CABLES1: variants seen among roughly 807,000 people sequenced by gnomAD.
CABLES1 encodes CDK5 and ABL1 enzyme substrate 1.
Under a neutral mutation model 57.8 loss-of-function variants are expected in CABLES1, and 36 were observed. The ratio of observed to expected loss-of-function variants is 0.62; its 90% confidence interval spans 0.48 to 0.82. The LOEUF is 0.82. Among genes scored for constraint, CABLES1 ranks in the 40% least tolerant of loss-of-function variants. The pLI, the probability that CABLES1 is intolerant of heterozygous loss-of-function variation, is 0.00. For synonymous variants in CABLES1, 374 were observed against 363.0 expected (o/e 1.03, Z -0.35); for missense variants, 767 against 836.6 (o/e 0.92, Z 1.03).
intron 1 of CABLES1, among the ~76,000 whole-genome samples, chr18:23,181,530 T>C (rs1315368925): frequency 1.3e-4 from 9 of 69,564 alleles, no homozygotes; most frequent in Non-Finnish European, 2.6e-4. Context: ...AAAAAAAAGA[T>C]GCCCACTAAT....
intron 1 of CABLES1, among the ~76,000 whole-genome samples, chr18:23,176,332 A>G (rs1396207694): frequency 6.6e-6 from 1 of 152,164 alleles, no homozygotes; most frequent in African/African-American, 2.4e-5. Context: ...CACAGTTCAC[A>G]ATAGGCTTGG....
chr18:23,135,877 CCCGCGG>C lies in CABLES1; in HGVS notation c.120_125del (p.Ala42_Ala43del), dbSNP rs1418771801. On this transcript the variant is annotated inframe_deletion, in exon 1 of 10. Coordinates refer to ENST00000256925, the MANE Select transcript of CABLES1 (RefSeq NM_001100619.3). Reference sequence around the variant, plus strand: ...GCCGCCGCCGCAGCCCCAGCCTCAGCCCGCGGCCGCCGCGCCGGCCCAGCCGCCGCC... The same window carrying C: ...GCCGCCGCCGCAGCCCCAGCCTCAGCCCGCCGCGCCGGCCCAGCCGCCGCC... 11 of 1,042,122 alleles carry C rather than the reference CCCGCGG, an allele frequency of 1.1e-5. No homozygotes were observed. The highest frequency in any genetic ancestry group is 1.3e-5 in the Non-Finnish European group (11 of 870,148). 64.6% of individuals were successfully genotyped at this position (1,042,122 alleles called of 1,614,324 possible).
chr18:23,223,438 C>T lies in CABLES1; in HGVS notation c.1088+9384C>T, dbSNP rs539340184. On this transcript the variant is annotated intron_variant, in intron 4 of 9. Coordinates refer to ENST00000256925, the MANE Select transcript of CABLES1 (RefSeq NM_001100619.3). The stretch of plus-strand genomic sequence containing the variant: ...ACTAAAATACAAAAAATTAGCCGGA[C>T]GTACTGGCAGGCGCCTGAAATCACA... 1.3e-4 allele frequency among the ~76,000 whole-genome samples: 20 copies of T among 152,018 alleles called. No individual in the cohort carries two copies. In the South Asian group the frequency reaches 3.7e-3, roughly 28 times the overall value.
At chr18:23,163,049 A>T (rs1406253947) in intron 1 of CABLES1, among the ~76,000 whole-genome samples, 1 of 152,150 alleles carries the variant, frequency 6.6e-6, no homozygotes, top group African/African-American at 2.4e-5. Flanking sequence ...TCAGAAATAG[A>T]CAACAGTCCT....
chr18:23,256,406 T>C (rs971160710), intron 9 of CABLES1, among the ~76,000 whole-genome samples: 37 of 152,254 alleles, frequency 2.4e-4, no homozygotes, highest in African/African-American at 8.7e-4. Flanking sequence ...ATGAAAGGAC[T>C]GAACTACATA....
chr18:23,188,566 T>TGTGTGTGTGTGTGTGTCC (rs2047219311), intron 1 of CABLES1, among the ~76,000 whole-genome samples: 1 of 152,170 alleles, frequency 6.6e-6, no homozygotes, highest in Non-Finnish European at 1.5e-5. Context: ...TGTGTGTGTG[T>TGTGTGTGTGTGTGTGTCC]CCTTGGGGGA....
In CABLES1 at chr18:23,136,210, A is replaced by T; in HGVS notation, c.448A>T (p.Ile150Phe). Residue 150 changes from isoleucine (I) to phenylalanine (F), a missense_variant, in exon 1 of 10, where the codon ATT (isoleucine) becomes TTT (phenylalanine). By Grantham distance (21) the Ile-to-Phe change is conservative (BLOSUM62 0). Around this residue, in one of 4 missense-constraint regions of CABLES1, gnomAD observed 529 missense variants for 622.8 expected, o/e 0.85. Coordinates refer to ENST00000256925, the MANE Select transcript of CABLES1 (RefSeq NM_001100619.3). ...LPQPSSLPPL[I>F]PGGHATVSGP... is the part of the protein sequence containing the mutation. ...ACAGCCCTCGTCGCTGCCGCCCTTG[A>T]TTCCTGGCGGCCATGCGACCGTGTC... 3 of 1,255,684 alleles carry T rather than the reference A, an allele frequency of 2.4e-6. 1 individual carries two copies. In the South Asian group the frequency reaches 9.5e-5, roughly 40 times the overall value. 77.8% of individuals were successfully genotyped at this position (1,255,684 alleles called of 1,614,324 possible).
chr18:23,146,719 C>T (rs574492635), intron 1 of CABLES1, among the ~76,000 whole-genome samples: 121 of 151,854 alleles, frequency 8.0e-4, no homozygotes, highest in Admixed American at 1.6e-3. Flanking sequence ...CAAGTAATTT[C>T]AGAAAGGCAA....
chr18:23,135,989 G>A lies in CABLES1; in HGVS notation c.227G>A (p.Gly76Asp). The change falls in exon 1 of 10, where the codon GGC (glycine) becomes GAC (aspartate). Residue 76 changes from glycine (G) to aspartate (D), a missense_variant. Transcript: ENST00000256925. ...TTCCTCACCAACATCTCGCTGGACGGCCGGCTGCCGCCGCAGGACGCGGAG... is the reference window on the plus strand; with the variant it reads ...TTCCTCACCAACATCTCGCTGGACGACCGGCTGCCGCCGCAGGACGCGGAG... ...LSFLTNISLD[G>D]RLPPQDAEWG... 8.8e-7 allele frequency: 1 copy of A among 1,136,698 alleles called. No homozygotes were observed. 70.4% of individuals were successfully genotyped at this position (1,136,698 alleles called of 1,614,324 possible). A position where few individuals can be genotyped will look rare whatever the true frequency, so the allele number is the denominator to read the frequency against.
rs993322057 is a variant in CABLES1 at position 23,257,486 on chromosome 18, A to T, written c.*119A>T. 8 of 1,183,502 alleles carry T rather than the reference A, an allele frequency of 6.8e-6. No individual in the cohort carries two copies. Among genetic ancestry groups the T allele is most frequent in the African/African-American group, 1.6e-5 (1 of 64,226 alleles). The allele number at this position is 1,183,502 out of a possible 1,614,324, so 73.3% of individuals were successfully genotyped here. A position where few individuals can be genotyped will look rare whatever the true frequency, so the allele number is the denominator to read the frequency against. ...ATACCAGACTTTTCTTCCTCTCGAC[A>T]TAGTTTGGGGAGAAGCAGTACTAGA... On this transcript the variant is annotated 3_prime_UTR_variant, in exon 10 of 10. Transcript: ENST00000256925.
chr18:23,191,906 TAAAAAAAAAAAAAAAAAAAA>T (rs147984743), intron 2 of CABLES1, among the ~76,000 whole-genome samples: 24 of 82,618 alleles, frequency 2.9e-4, no homozygotes, highest in African/African-American at 7.8e-4. Context: ...GTTGAATGCT[TAAAAAAAAAAAAAAAAAAAA>T]AAAAAAAAAA....
In CABLES1 at chr18:23,161,294, ATCT is replaced by A. The variant is rs141218567; in HGVS notation, c.845+24694_845+24696del. Among the ~76,000 whole-genome samples, 1,047 of 152,176 alleles carry A rather than the reference ATCT, an allele frequency of 6.9e-3. 11 individuals carry two copies. Among genetic ancestry groups the A allele is most frequent in the African/African-American group, 0.024 (1,015 of 41,480 alleles). On this transcript the variant is annotated intron_variant, in intron 1 of 9. Transcript: ENST00000256925. ...TCTCTTTATCATGTCTTGCCTTTCT[ATCT>A]TCTTCTAAAACACTTTACTGGTGTT...
intron 4 of CABLES1, among the ~76,000 whole-genome samples, chr18:23,233,610 G>T (rs1174779730): frequency 6.6e-6 from 1 of 152,212 alleles, no homozygotes; most frequent in Admixed American, 6.5e-5. Context: ...CACTTTAGGA[G>T]GCCAAGACGG....
chr18:23,175,546 A>G (rs993563745), intron 1 of CABLES1, among the ~76,000 whole-genome samples: 2 of 152,128 alleles, frequency 1.3e-5, no homozygotes, highest in East Asian at 3.8e-4. Context: ...TGGTGCAAAT[A>G]CAGCTCACTG....
intron 1 of CABLES1, among the ~76,000 whole-genome samples, chr18:23,150,207 GTTTTT>G (rs10638130): frequency 9.4e-6 from 1 of 106,674 alleles, no homozygotes. Flanking sequence ...GTTGGTGTTT[GTTTTT>G]TTTTTTTTTT....
intron 3 of CABLES1, among the ~76,000 whole-genome samples, chr18:23,203,153 C>T (rs2047338383): frequency 6.6e-6 from 1 of 152,140 alleles, no homozygotes; most frequent in Non-Finnish European, 1.5e-5. Flanking sequence ...ATGTGGGTGT[C>T]TCCTCCCTCT....
chr18:23,197,971 T>G (rs1291363532), intron 3 of CABLES1: 1 of 152,192 alleles, frequency 6.6e-6, no homozygotes, highest in Non-Finnish European at 1.5e-5. Context: ...ACATGCATTG[T>G]TTTGGACCAG....
At chr18:23,244,139 C>T (rs1460416814) in intron 7 of CABLES1, among the ~76,000 whole-genome samples, 1 of 152,218 alleles carries the variant, frequency 6.6e-6, no homozygotes, top group African/African-American at 2.4e-5. Context: ...TTTAGAAGTG[C>T]ATCCAAATAC....
At chr18:23,253,437 C>T (rs1437892803) in intron 8 of CABLES1, among the ~76,000 whole-genome samples, 14 of 152,152 alleles carry the variant, frequency 9.2e-5, no homozygotes, top group African/African-American at 1.9e-4. Context: ...GAGCCAAGAT[C>T]GTGCCACTGC....
Sources: gnomAD v4.1 joint callset for allele counts (sites outside exome capture counted in the v4.1 genomes callset) on GRCh38, gnomAD v4.1.1 for gene constraint, gnomAD v4.1.1 regional missense constraint, MANE v1.5 for transcripts, NCBI Gene and HGNC (gene_info 2026-07-23, HGNC 2026-07-21) for gene names.